The following PDE10A variants were observed in gnomAD, a reference collection of about 807,000 sequenced individuals.
PDE10A encodes the protein cAMP and cAMP-inhibited cGMP 3',5'-cyclic phosphodiesterase 10A.
In PDE10A, 39 loss-of-function variants were observed where a neutral mutation model predicts 97.7. The observed-to-expected ratio is 0.40, with a 90% CI of 0.31 to 0.52. PDE10A has a LOEUF of 0.52. Ranked by LOEUF, PDE10A falls within the 20% of genes least tolerant of loss-of-function variation. The pLI is 0.56. For synonymous variants in PDE10A, 371 were observed against 376.8 expected (o/e 0.98, Z 0.18); for missense variants, 731 against 1,047.8 (o/e 0.70, Z 4.17).
At chr6:165,525,642 C>T (rs1334334843) in intron 2 of PDE10A, among the ~76,000 whole-genome samples, 1 of 152,166 alleles carries the variant, frequency 6.6e-6, no homozygotes, top group Non-Finnish European at 1.5e-5. Context: ...CTTCTCTGTA[C>T]ATCAAATCTA....
intron 1 of PDE10A, chr6:165,660,576 G>A (rs1413717197): frequency 3.9e-5 from 6 of 152,626 alleles, no homozygotes; most frequent in Non-Finnish European, 7.3e-5. Flanking sequence ...CAGCCCGGGG[G>A]CTGCACCCCA....
chr6:165,531,732 G>A (rs979961049), intron 2 of PDE10A, among the ~76,000 whole-genome samples: 1 of 150,334 alleles, frequency 6.7e-6, no homozygotes, highest in Non-Finnish European at 1.5e-5. Context: ...TCACAGAAAA[G>A]AATTATATAT....
At chr6:165,693,546 A>AAC (rs1421862608) in intron 1 of PDE10A, among the ~76,000 whole-genome samples, 1 of 151,358 alleles carries the variant, frequency 6.6e-6, no homozygotes, top group African/African-American at 2.4e-5. Context: ...AAAAAAAAAA[A>AAC]AAAAAACCGA....
intron 1 of PDE10A, among the ~76,000 whole-genome samples, chr6:165,585,402 T>G (rs1202063286): frequency 2.6e-5 from 4 of 152,208 alleles, no homozygotes; most frequent in Admixed American, 6.5e-5. Context: ...TTTGTAGACA[T>G]GATTAGCAGT....
chr6:165,791,653 C>A (rs574834576), intron 1 of PDE10A, among the ~76,000 whole-genome samples: 1 of 152,158 alleles, frequency 6.6e-6, no homozygotes, highest in Non-Finnish European at 1.5e-5. Flanking sequence ...TAGGGAAGGA[C>A]GAAGATCAGC....
chr6:165,642,302 A>G (rs1789174276), intron 1 of PDE10A, among the ~76,000 whole-genome samples: 1 of 152,150 alleles, frequency 6.6e-6, no homozygotes, highest in African/African-American at 2.4e-5. Flanking sequence ...TGTGTCTAGC[A>G]TGATACGTTT....
intron 1 of PDE10A, among the ~76,000 whole-genome samples, chr6:165,737,626 A>C (rs1792611103): frequency 6.6e-6 from 1 of 152,250 alleles, no homozygotes; most frequent in Admixed American, 6.5e-5. Flanking sequence ...AACAATCTTC[A>C]TGATAAAAGC....
Position 165,934,074 on chromosome 6 carries a change from C to T in PDE10A, c.-615+53455G>A, listed in dbSNP as rs982524929. Among the ~76,000 whole-genome samples the T allele has an allele frequency of 4.0e-5, 6 of 151,362 alleles. No individual in the cohort carries two copies. The South Asian group carries it at 1.3e-3, about 32-fold the overall frequency. On this transcript the variant is annotated intron_variant, in intron 1 of 19. Coordinates refer to the PDE10A transcript ENST00000366882. ...TCTCGGCTCACTGCAACCTCCGCTT[C>T]CCAGGTTCAAGCAATTCTCCTGCCT...
intron 1 of PDE10A, among the ~76,000 whole-genome samples, chr6:165,680,697 C>T (rs188022628): frequency 1.8e-4 from 28 of 152,178 alleles, no homozygotes; most frequent in African/African-American, 5.8e-4. Context: ...TGAGGTCAAG[C>T]GTTCGAGACC....
intron 1 of PDE10A, among the ~76,000 whole-genome samples, chr6:165,549,314 T>A (rs1015452084): frequency 3.3e-5 from 5 of 152,188 alleles, no homozygotes; most frequent in Non-Finnish European, 7.3e-5. Context: ...TATAAGTTAT[T>A]ACGGTTTTTT....
chr6:165,924,587 T>C (rs1237553627), intron 1 of PDE10A, among the ~76,000 whole-genome samples: 1 of 152,200 alleles, frequency 6.6e-6, no homozygotes, highest in Non-Finnish European at 1.5e-5. Flanking sequence ...GTACAATTCA[T>C]GGTTTCCATG....
intron 19 of PDE10A, among the ~76,000 whole-genome samples, chr6:165,342,852 A>C (rs1464149844): frequency 6.6e-6 from 1 of 152,250 alleles, no homozygotes; most frequent in Non-Finnish European, 1.5e-5. Flanking sequence ...AGTCAAGAAA[A>C]GGCGTTAATA....
chr6:165,596,373 G>T (rs572286482), intron 1 of PDE10A, among the ~76,000 whole-genome samples: 32 of 152,208 alleles, frequency 2.1e-4, no homozygotes, highest in African/African-American at 7.0e-4. Context: ...TCCTACAGTC[G>T]GTTCTCAATA....
At chr6:165,652,733 C>G (rs1475030787) in intron 1 of PDE10A, among the ~76,000 whole-genome samples, 1 of 152,206 alleles carries the variant, frequency 6.6e-6, no homozygotes, top group Admixed American at 6.5e-5. Flanking sequence ...ACAGTACTTA[C>G]CAACTTTTAA....
chr6:165,581,778 T>C (rs953842714), intron 1 of PDE10A, among the ~76,000 whole-genome samples: 1 of 152,234 alleles, frequency 6.6e-6, no homozygotes, highest in Admixed American at 6.5e-5. Context: ...GATTAATATA[T>C]TCTCTTTGGC....
At chr6:165,623,979 T>C (rs3008030) in intron 1 of PDE10A, among the ~76,000 whole-genome samples, 54,600 of 152,078 alleles carry the variant, frequency 0.36, 12,845 homozygotes, top group African/African-American at 0.68. Flanking sequence ...CCTCCACAAA[T>C]CCAAACTTGA....
chr6:165,715,465 G>C (rs1792002944), intron 1 of PDE10A, among the ~76,000 whole-genome samples: 1 of 152,156 alleles, frequency 6.6e-6, no homozygotes, highest in African/African-American at 2.4e-5. Flanking sequence ...CCATCCAGCA[G>C]GTTCCAGGAA....
At chr6:165,735,656 T>C (rs996289531) in intron 1 of PDE10A, among the ~76,000 whole-genome samples, 3 of 152,268 alleles carry the variant, frequency 2.0e-5, no homozygotes, top group African/African-American at 7.2e-5. Context: ...GAACTCTCTC[T>C]CACCTGGGGG....
intron 1 of PDE10A, among the ~76,000 whole-genome samples, chr6:165,642,547 T>C (rs1789186485): frequency 6.6e-6 from 1 of 152,246 alleles, no homozygotes; most frequent in Non-Finnish European, 1.5e-5. Flanking sequence ...ATAATCATTC[T>C]GGTTACAACA....
Sources: gnomAD v4.1 joint callset for allele counts (sites outside exome capture counted in the v4.1 genomes callset) on GRCh38, gnomAD v4.1.1 for gene constraint, MANE v1.5 for transcripts, NCBI Gene and HGNC (gene_info 2026-07-23, HGNC 2026-07-21) for gene names.